Variants in MOV10 observed in about 807,000 individuals in gnomAD.
MOV10 encodes RNA helicase MOV-10.
Under a neutral mutation model 108.4 loss-of-function variants are expected in MOV10, and 39 were observed. The ratio of observed to expected loss-of-function variants is 0.36; its 90% CI spans 0.28 to 0.47. The LOEUF (loss-of-function observed/expected upper bound fraction) is 0.47. MOV10 is among the 20% of genes least tolerant of loss of function. The pLI, the probability that MOV10 is intolerant of heterozygous loss-of-function variation, is 1.00. For synonymous variants in MOV10, 490 were observed against 523.1 expected (o/e 0.94, Z 0.86); for missense variants, 952 against 1,297.6 (o/e 0.73, Z 4.09).
chr1:112,697,023 C>A (rs778351744), intron 14 of MOV10, among the ~76,000 whole-genome samples, 177 bp downstream of exon 14: 1 of 152,166 alleles, frequency 6.6e-6, no homozygotes, highest in African/African-American at 2.4e-5. Context: ...TTGTTGTCTG[C>A]GTGACTTAGC....
chr1:112,700,492 G>C lies in MOV10; in HGVS notation c.2997G>C (p.Trp999Cys). The change falls in exon 21 of 21, where the codon TGG (tryptophan) becomes TGC (cysteine). Residue 999 changes from tryptophan (W) to cysteine (C), a missense_variant. By Grantham distance (215) the Trp-to-Cys change is radical. Around this residue, in one of 5 missense-constraint regions of MOV10, gnomAD observed 42 missense variants for 36.5 expected, o/e 1.15. Transcript: ENST00000369645. ...GGLSLQVEPEWRNEL is the reference protein window; with the variant it reads ...GGLSLQVEPECRNEL ...TGTCTCTGCAAGTGGAGCCAGAGTG[G>C]AGGAATGAGCTCTGAAGACACAGCA... 2 of 1,613,748 alleles carry C rather than the reference G, an allele frequency of 1.2e-6. No individual in the cohort carries two copies. The highest frequency in any genetic ancestry group is 1.7e-6 in the Non-Finnish European group (2 of 1,179,856).
In MOV10 at chr1:112,694,957, C is replaced by G; in HGVS notation, c.1620+61C>G. ...GATTCCCCCAGCACCAAGCAGTTGT[C>G]CCCAGATTCTAGTTCCTTCCCACTC... On this transcript the variant is annotated intron_variant, in intron 10 of 20. Coordinates refer to ENST00000369645, the MANE Select transcript of MOV10 (RefSeq NM_001321324.2). This position sits in a 1 kb window ranked among gnomAD's most constrained non-coding sequence, Gnocchi z 4.1. 1 of 1,539,576 alleles carries G rather than the reference C, an allele frequency of 6.5e-7. No homozygotes were observed. Among genetic ancestry groups the G allele is most frequent in the Admixed American group, 1.9e-5 (1 of 51,396 alleles).
In MOV10 at chr1:112,689,684, CAG is replaced by C. The variant is rs59859800; in HGVS notation, c.577+35_577+36del. The C allele has an allele frequency of 7.9e-4, 1,263 of 1,605,862 alleles. 6 individuals carry two copies. In the African/African-American group the frequency reaches 0.015, roughly 19 times the overall value. On this transcript the variant is annotated intron_variant, in intron 4 of 20. Transcript: ENST00000369645. ...GTTTCCAAAGGAAAGAGCTGGTGGA[CAG>C]GGGCTTGTCCCAGGCAGTGCTTATG... is the stretch of plus-strand genomic sequence containing the variant.
At chr1:112,686,860 T>C in intron 2 of MOV10, 1 of 448,098 alleles carries the variant, frequency 2.2e-6, no homozygotes, top group South Asian at 1.6e-5. Context: ...TAGCGAATCT[T>C]GCCGCTCTTC....
intron 14 of MOV10, among the ~76,000 whole-genome samples, chr1:112,697,615 TGTTA>T (rs1211165666): frequency 1.3e-5 from 2 of 152,162 alleles, no homozygotes; most frequent in South Asian, 2.1e-4. Flanking sequence ...GCTCAATAAA[TGTTA>T]GTTATTGTGT....
At chr1:112,692,660 C>G in intron 6 of MOV10, 101 bp from the exon 7 acceptor site, 6 of 1,463,160 alleles carry the variant, frequency 4.1e-6, no homozygotes, top group Non-Finnish European at 5.5e-6. Context: ...GACGCTAGTT[C>G]CAGAGCTTCA....
chr1:112,698,683 A>G (rs1334507738), intron 16 of MOV10, 32 bp from the exon 17 acceptor site: 2 of 1,605,518 alleles, frequency 1.2e-6, no homozygotes, highest in East Asian at 4.5e-5. Context: ...GGTTAATGGC[A>G]CGAGAGAAAG....
Position 112,692,943 on chromosome 1 carries a change from T to C in MOV10, c.1140+14T>C, listed in dbSNP as rs781265883. On this transcript the variant is annotated intron_variant, in intron 7 of 20. Coordinates refer to ENST00000369645, the MANE Select transcript of MOV10 (RefSeq NM_001321324.2). ...CTCACGCTGGAGGTCAGGGCTCAGA[T>C]TGAGTGTGAGGAGGGTGGGCTCAAG... 1.2e-5 allele frequency: 19 copies of C among 1,600,228 alleles called. No homozygotes were observed. Among genetic ancestry groups the C allele is most frequent in the East Asian group, 2.3e-5 (1 of 44,192 alleles).
chr1:112,689,541 G>T lies in MOV10; in HGVS notation c.468G>T (p.Arg156=), dbSNP rs2101348316. 3 of 1,614,190 alleles carry T rather than the reference G, an allele frequency of 1.9e-6. No homozygotes were observed. In the East Asian group the frequency reaches 6.7e-5, roughly 36 times the overall value. The stretch of plus-strand genomic sequence containing the variant: ...AAGAGGTGCTGACCCTGAGGCTTCG[G>T]AATGGCGGAACCCAGTCTGTTACCC... The part of the protein sequence containing the change: ...NRKEVLTLRL[R]NGGTQSVTLT... Residue 156 remains arginine (R), a synonymous_variant, in exon 4 of 21, where the codon CGG becomes CGT. Transcript: ENST00000369645.
chr1:112,695,928 G>C (rs770305784), intron 11 of MOV10, among the ~76,000 whole-genome samples: 6 of 152,210 alleles, frequency 3.9e-5, no homozygotes, highest in Non-Finnish European at 1.5e-5. Flanking sequence ...TGTAGCCCCA[G>C]CTACTCGGGA....
intron 11 of MOV10, 152 bp downstream of exon 11, chr1:112,695,726 T>A: frequency 1.7e-6 from 1 of 588,688 alleles, no homozygotes; most frequent in Non-Finnish European, 2.7e-6. Flanking sequence ...TCAGTTTGTC[T>A]GTAAGTGAGG....
At chr1:112,690,202 C>A in intron 5 of MOV10, 104 bp downstream of exon 5, 1 of 1,395,174 alleles carries the variant, frequency 7.2e-7, no homozygotes, top group South Asian at 1.4e-5. Context: ...CCTTTTCCTA[C>A]AGGCTCTTCA....
At chr1:112,676,829 A>G in intron 2 of MOV10, among the ~76,000 whole-genome samples, 1 of 152,176 alleles carries the variant, frequency 6.6e-6, no homozygotes, top group East Asian at 1.9e-4. Context: ...GGGTTTGGGG[A>G]GGCAAGGTCA....
intron 2 of MOV10, chr1:112,686,940 C>T (rs1177962256): frequency 2.2e-6 from 1 of 456,400 alleles, no homozygotes; most frequent in African/African-American, 2.0e-5. Context: ...CAAGGGCCTT[C>T]TTCTAACTGG....
In MOV10 at chr1:112,689,971, T is replaced by C; in HGVS notation, c.709T>C (p.Phe237Leu). The C allele has an allele frequency of 1.2e-6, 2 of 1,614,128 alleles. No individual in the cohort carries two copies. The highest frequency in any genetic ancestry group is 1.7e-6 in the Non-Finnish European group (2 of 1,180,036). ...AGCCGGCACATTCTACATTGCCCGC[T>C]TCTTGGCTGCCGTCGCCCACAGCCC... ...EGAGTFYIAR[F>L]LAAVAHSPLA... Residue 237 changes from phenylalanine (F) to leucine (L), a missense_variant, in exon 5 of 21, where the codon TTC becomes CTC. Phe to Leu is a conservative substitution (Grantham distance 22). Coordinates refer to ENST00000369645, the MANE Select transcript of MOV10 (RefSeq NM_001321324.2).
At chr1:112,683,118 C>T (rs2101291610) in intron 2 of MOV10, among the ~76,000 whole-genome samples, 1 of 151,636 alleles carries the variant, frequency 6.6e-6, no homozygotes, top group South Asian at 2.1e-4. Flanking sequence ...CGGGGTTTCA[C>T]TGTGTTTGCC....
intron 17 of MOV10, 120 bp downstream of exon 17, chr1:112,698,909 T>C: frequency 1.2e-6 from 1 of 841,734 alleles, no homozygotes; most frequent in Admixed American, 1.8e-5. Flanking sequence ...CTGCCTTGAA[T>C]AGAGCTCGAG....
rs1673913690 is a variant in MOV10, at chr1:112,694,772, C to G, written c.1496C>G (p.Ser499Ter). The change falls in exon 10 of 21, where the codon TCA becomes TGA. Residue 499 changes from serine to a stop codon, truncating the protein, a stop_gained. Transcript: ENST00000369645. LOFTEE classifies it high-confidence loss of function. This position sits in a 1 kb window ranked among gnomAD's most constrained non-coding sequence, Gnocchi z 4.1. ...AGGCTGTACGACCGGAGTCTGGAGTCAAACCCAGAGCAGCTGCAGGCCATG... is the reference window on the plus strand; with the variant it reads ...AGGCTGTACGACCGGAGTCTGGAGTGAAACCCAGAGCAGCTGCAGGCCATG... ...KLKLYDRSLE[S>*]NPEQLQAMRH... 1.9e-6 allele frequency: 3 copies of G among 1,614,148 alleles called. No homozygotes were observed. Among genetic ancestry groups the G allele is most frequent in the Non-Finnish European group, 2.5e-6 (3 of 1,180,006 alleles).
intron 11 of MOV10, among the ~76,000 whole-genome samples, 181 bp downstream of exon 11, chr1:112,695,755 G>T (rs1012078752): frequency 1.3e-5 from 2 of 151,414 alleles, no homozygotes; most frequent in Non-Finnish European, 2.9e-5. Context: ...TAAAACATTT[G>T]GGGGGCTGGG....
Sources: allele counts gnomAD v4.1 joint callset (sites outside exome capture counted in the v4.1 genomes callset), GRCh38; gene constraint gnomAD v4.1.1; regional missense constraint gnomAD v4.1.1; non-coding constraint Gnocchi (gnomAD v3.1); transcripts MANE v1.5; gene names NCBI Gene and HGNC (gene_info 2026-07-23, HGNC 2026-07-21).